Variants in OR3A3 observed in about 807,000 individuals in gnomAD.
The protein encoded by OR3A3 is olfactory receptor 3A3.
For synonymous variants in OR3A3, 103 were observed against 163.9 expected (o/e 0.63, Z 2.84); for missense variants, 275 against 391.4 (o/e 0.70, Z 2.51).
At chr17:3,423,107 C>T (rs1261365723) in exon 3 of OR3A3, 3 of 152,220 alleles carry the variant, frequency 2.0e-5, no homozygotes, top group Admixed American at 2.0e-4. Context: ...CATTCCTACT[C>T]ATCCACTGCT....
At chr17:3,418,388 CTAA>C (rs1167382848) in intron 2 of OR3A3, among the ~76,000 whole-genome samples, 1 of 152,172 alleles carries the variant, frequency 6.6e-6, no homozygotes, top group Non-Finnish European at 1.5e-5. Flanking sequence ...CTTGACTTCT[CTAA>C]TGTCAATGCT....
intron 2 of OR3A3, among the ~76,000 whole-genome samples, chr17:3,415,864 AG>A (rs2072388403): frequency 6.7e-6 from 1 of 148,740 alleles, no homozygotes; most frequent in Non-Finnish European, 1.5e-5. Flanking sequence ...GCTGGAGTGA[AG>A]GGGCACGATC....
chr17:3,419,361 T>C (rs1017410306), intron 2 of OR3A3, among the ~76,000 whole-genome samples: 1 of 152,348 alleles, frequency 6.6e-6, no homozygotes, highest in South Asian at 2.1e-4. Context: ...GAAACTCTCA[T>C]GAATTTTTCT....
intron 1 of OR3A3, 56 bp downstream of exon 1, chr17:3,411,540 A>G (rs28475017): frequency 0.69 from 105,607 of 152,740 alleles, 38,080 homozygotes; most frequent in East Asian, 1. Context: ...GTGGAGGCAG[A>G]TGCCTGTAGT....
At chr17:3,415,561 CAAAA>C (rs373566506) in intron 2 of OR3A3, among the ~76,000 whole-genome samples, 1 of 110,776 alleles carries the variant, frequency 9.0e-6, no homozygotes, top group Non-Finnish European at 1.8e-5. Flanking sequence ...AACTCCAACT[CAAAA>C]AAAAAAAAAA....
chr17:3,414,534 G>A (rs906048987), intron 2 of OR3A3, among the ~76,000 whole-genome samples: 6 of 152,282 alleles, frequency 3.9e-5, no homozygotes, highest in South Asian at 2.1e-4. Context: ...TGAATTCTCC[G>A]AAACGATCTC....
chr17:3,421,211 T>A (rs1353975775), exon 3 of OR3A3: 1 of 1,614,122 alleles, frequency 6.2e-7, no homozygotes, highest in Non-Finnish European at 8.5e-7. Context: ...GCAGCCTTCA[T>A]GGCTGTGGCA....
At chr17:3,417,686 A>T (rs2072400665) in intron 2 of OR3A3, among the ~76,000 whole-genome samples, 1 of 152,182 alleles carries the variant, frequency 6.6e-6, no homozygotes, top group Admixed American at 6.5e-5. Context: ...TTCTTTGGTT[A>T]CATTTTCCTT....
chr17:3,413,848 A>AC (rs1555532362), intron 2 of OR3A3, among the ~76,000 whole-genome samples: 51 of 151,456 alleles, frequency 3.4e-4, no homozygotes, highest in African/African-American at 1.0e-3. Context: ...CAAAAAACAA[A>AC]AAAAAAAAAC....
In OR3A3 at chr17:3,419,647, C is replaced by T. The variant is rs570183679; in HGVS notation, c.-6-933C>T. On this transcript the variant is annotated intron_variant, in intron 2 of 2. Transcript: ENST00000641141. Reference sequence around the variant, plus strand: ...CCCATAAATATACACAATTATTATTCATCAATTAAAAATAAATTATTAAAA... The same window carrying T: ...CCCATAAATATACACAATTATTATTTATCAATTAAAAATAAATTATTAAAA... Among the ~76,000 whole-genome samples the T allele has an allele frequency of 3.1e-3, 467 of 151,574 alleles. 1 individual carries two copies. The highest frequency in any genetic ancestry group is 0.01 in the African/African-American group (421 of 41,348).
chr17:3,412,572 C>T (rs2072368310), intron 2 of OR3A3, among the ~76,000 whole-genome samples: 1 of 144,900 alleles, frequency 6.9e-6, no homozygotes, highest in South Asian at 2.2e-4. Context: ...AGGAGGGCTC[C>T]CCAGTGGGCC....
exon 3 of OR3A3, chr17:3,422,194 C>A (rs1232060250): frequency 1.3e-5 from 2 of 152,136 alleles, no homozygotes; most frequent in Non-Finnish European, 2.9e-5. Context: ...AAAATCAGTT[C>A]CCTCGCTTTA....
chr17:3,419,915 G>A (rs915081893), intron 2 of OR3A3, among the ~76,000 whole-genome samples: 5 of 151,790 alleles, frequency 3.3e-5, no homozygotes, highest in Admixed American at 1.3e-4. Context: ...ACAGGCGCCT[G>A]CCACCAAGCC....
At chr17:3,416,967 T>G (rs191155186) in intron 2 of OR3A3, among the ~76,000 whole-genome samples, 1 of 152,180 alleles carries the variant, frequency 6.6e-6, no homozygotes, top group African/African-American at 2.4e-5. Flanking sequence ...AATTTATCTT[T>G]ATCACTCCTT....
intron 2 of OR3A3, among the ~76,000 whole-genome samples, chr17:3,412,558 G>A (rs2072368237): frequency 1.4e-5 from 2 of 148,072 alleles, no homozygotes; most frequent in Non-Finnish European, 3.0e-5. Flanking sequence ...GAGAGTGGTC[G>A]TGCAGGAGGG....
chr17:3,417,293 T>C (rs957490744), intron 2 of OR3A3, among the ~76,000 whole-genome samples: 2 of 152,190 alleles, frequency 1.3e-5, no homozygotes, highest in African/African-American at 4.8e-5. Flanking sequence ...CCTTTTCATT[T>C]CAACATTTTT....
At chr17:3,419,429 A>C (rs1455561950) in intron 2 of OR3A3, among the ~76,000 whole-genome samples, 4 of 152,178 alleles carry the variant, frequency 2.6e-5, no homozygotes. Flanking sequence ...TAGATTCCAC[A>C]TGTAAGTGAA....
At chr17:3,418,116 C>A (rs1567583615) in intron 2 of OR3A3, among the ~76,000 whole-genome samples, 3 of 152,136 alleles carry the variant, frequency 2.0e-5, no homozygotes, top group Non-Finnish European at 4.4e-5. Flanking sequence ...TTTAAGTTCA[C>A]ACTTGTTTTT....
chr17:3,413,058 A>T (rs1487997061), intron 2 of OR3A3, among the ~76,000 whole-genome samples: 1 of 152,248 alleles, frequency 6.6e-6, no homozygotes, highest in Non-Finnish European at 1.5e-5. Flanking sequence ...TGCTATTGAA[A>T]AGACTGAATC....
Sources: gnomAD v4.1 joint callset for allele counts (sites outside exome capture counted in the v4.1 genomes callset) on GRCh38, gnomAD v4.1.1 for gene constraint, MANE v1.5 for transcripts, NCBI Gene and HGNC (gene_info 2026-07-23, HGNC 2026-07-21) for gene names.